The following TNRC6A variants were observed in gnomAD, a reference collection of about 807,000 sequenced individuals.
TNRC6A encodes trinucleotide repeat-containing gene 6A protein.
TNRC6A carries 44 observed loss-of-function variants against 221.2 expected under a neutral mutation model. The observed-to-expected ratio is 0.20, with a 90% CI of 0.16 to 0.26. The LOEUF (loss-of-function observed/expected upper bound fraction) is 0.26. Among genes scored for constraint, TNRC6A ranks in the 10% least tolerant of loss-of-function variants. TNRC6A has a pLI of 1.00. For missense variants in TNRC6A, 2,199 were observed against 2,404.4 expected, an observed-to-expected ratio of 0.91 and a Z score of 1.79; for synonymous variants, 847 against 838.5, an observed-to-expected ratio of 1.01 and a Z score of -0.18.
At chr16:24,812,945 A>G (rs2058578712) in intron 18 of TNRC6A, among the ~76,000 whole-genome samples, 1 of 130,442 alleles carries the variant, frequency 7.7e-6, no homozygotes, top group South Asian at 2.3e-4. Context: ...GCACAATCTC[A>G]GGTCACTGCA....
chr16:24,708,683 T>C (rs1053684375), intron 2 of TNRC6A, among the ~76,000 whole-genome samples: 1 of 152,100 alleles, frequency 6.6e-6, no homozygotes, highest in Admixed American at 6.6e-5. Context: ...CAGAGTCCAT[T>C]ATATGGCTCT....
At chr16:24,656,848 A>T (rs999674032) in intron 2 of TNRC6A, among the ~76,000 whole-genome samples, 1 of 152,206 alleles carries the variant, frequency 6.6e-6, no homozygotes, top group Non-Finnish European at 1.5e-5. Context: ...TTAAGAAAGA[A>T]TTTTAAAAAT....
intron 5 of TNRC6A, among the ~76,000 whole-genome samples, chr16:24,785,141 G>C (rs946430203): frequency 2.0e-5 from 3 of 152,088 alleles, no homozygotes; most frequent in African/African-American, 7.2e-5. Context: ...TACTTTTTCT[G>C]TTCAGTCAAA....
intron 2 of TNRC6A, among the ~76,000 whole-genome samples, chr16:24,703,271 C>T (rs1161321669): frequency 6.6e-6 from 1 of 152,170 alleles, no homozygotes; most frequent in East Asian, 1.9e-4. Context: ...CTATTCGAGA[C>T]ATTTCATATA....
intron 18 of TNRC6A, among the ~76,000 whole-genome samples, chr16:24,811,966 A>G (rs947252157): frequency 6.7e-6 from 1 of 150,076 alleles, no homozygotes; most frequent in South Asian, 2.1e-4. Context: ...CCATAAACCA[A>G]ACAGACCTTT....
intron 1 of TNRC6A, among the ~76,000 whole-genome samples, chr16:24,634,361 C>G (rs62027066): frequency 0.44 from 66,835 of 151,736 alleles, 15,040 homozygotes; most frequent in Middle Eastern, 0.54. Context: ...GCCCAGGAGG[C>G]AGAGGTTGCA....
chr16:24,683,215 T>C (rs2055566894), intron 2 of TNRC6A, among the ~76,000 whole-genome samples: 2 of 152,170 alleles, frequency 1.3e-5, no homozygotes, highest in Admixed American at 1.3e-4. Context: ...ATTGTTGTTT[T>C]TGAGACAAGT....
chr16:24,686,200 C>G (rs1055792038), intron 2 of TNRC6A, among the ~76,000 whole-genome samples: 2 of 152,162 alleles, frequency 1.3e-5, no homozygotes. Flanking sequence ...GGATGAGATA[C>G]CTGCTGAATG....
At chr16:24,696,742 A>AAAAAAAAAG (rs1555490668) in intron 2 of TNRC6A, among the ~76,000 whole-genome samples, 2 of 146,730 alleles carry the variant, frequency 1.4e-5, no homozygotes, top group East Asian at 3.9e-4. Context: ...AAAAAAAAAA[A>AAAAAAAAAG]AAAGAAAGGA....
At chr16:24,628,514 A>G (rs112403470) in intron 1 of TNRC6A, among the ~76,000 whole-genome samples, 1 of 152,162 alleles carries the variant, frequency 6.6e-6, no homozygotes, top group African/African-American at 2.4e-5. Context: ...CATCTGAGAC[A>G]GCAAGAGTAA....
chr16:24,766,561 T>C (rs993673598), intron 4 of TNRC6A, among the ~76,000 whole-genome samples: 1 of 152,136 alleles, frequency 6.6e-6, no homozygotes, highest in Admixed American at 6.5e-5. Context: ...TCTTAAAACA[T>C]GAGGATGGGA....
intron 2 of TNRC6A, among the ~76,000 whole-genome samples, chr16:24,694,221 G>A (rs1348219961): frequency 1.3e-5 from 2 of 152,092 alleles, no homozygotes; most frequent in Admixed American, 6.6e-5. Context: ...ACCTCATGGT[G>A]GACACTCGGT....
chr16:24,792,765 A>G (rs1199575298), intron 6 of TNRC6A, among the ~76,000 whole-genome samples: 4 of 150,588 alleles, frequency 2.7e-5, no homozygotes, highest in Non-Finnish European at 5.9e-5. Flanking sequence ...GTGGTGTGGA[A>G]GGGGTACACT....
At chr16:24,770,778 T>G (rs1329813266) in intron 4 of TNRC6A, among the ~76,000 whole-genome samples, 1 of 152,192 alleles carries the variant, frequency 6.6e-6, no homozygotes, top group East Asian at 1.9e-4. Flanking sequence ...AATCCAAACT[T>G]TTTTGAACTC....
At chr16:24,767,897 T>C (rs1156418664) in intron 4 of TNRC6A, among the ~76,000 whole-genome samples, 1 of 152,198 alleles carries the variant, frequency 6.6e-6, no homozygotes, top group Admixed American at 6.5e-5. Flanking sequence ...GAGTCACAAA[T>C]GGAAGCTGAA....
In TNRC6A at chr16:24,669,358, G is replaced by A. The variant is rs545352689; in HGVS notation, n.402+28349G>A. Among the ~76,000 whole-genome samples, 6 of 152,120 alleles carry A rather than the reference G, an allele frequency of 3.9e-5. No homozygotes were observed. In the East Asian group the frequency reaches 7.7e-4, roughly 20 times the overall value. ...TTAAATATTAGCTGAGTGTGGCAGCGTGCCCCTGTAGTCCCAGCTACTCAG... is the reference window on the plus strand; with the variant it reads ...TTAAATATTAGCTGAGTGTGGCAGCATGCCCCTGTAGTCCCAGCTACTCAG... On this transcript the variant is annotated intron_variant and non_coding_transcript_variant, in intron 2 of 2. Transcript: ENST00000566108.
intron 2 of TNRC6A, among the ~76,000 whole-genome samples, chr16:24,750,324 T>G (rs1437198527): frequency 6.6e-6 from 1 of 152,120 alleles, no homozygotes; most frequent in Non-Finnish European, 1.5e-5. Flanking sequence ...GAAACCTAGG[T>G]GAGAGAGGAT....
intron 2 of TNRC6A, among the ~76,000 whole-genome samples, chr16:24,650,896 T>A (rs2141841185): frequency 6.6e-6 from 1 of 152,274 alleles, no homozygotes; most frequent in Non-Finnish European, 1.5e-5. Flanking sequence ...TTTAAAATTT[T>A]AAAAATTAAG....
At chr16:24,674,757 C>A (rs1265074852) in intron 2 of TNRC6A, among the ~76,000 whole-genome samples, 4 of 150,670 alleles carry the variant, frequency 2.7e-5, no homozygotes, top group African/African-American at 9.8e-5. Flanking sequence ...TAAGTCTGAA[C>A]AATCATGTGA....
Sources: allele counts gnomAD v4.1 joint callset (sites outside exome capture counted in the v4.1 genomes callset), GRCh38; gene constraint gnomAD v4.1.1; transcripts MANE v1.5; gene names NCBI Gene and HGNC (gene_info 2026-07-23, HGNC 2026-07-21).